Variants in SNTG1 observed in about 807,000 individuals in gnomAD.
SNTG1 encodes the protein syntrophin gamma 1.
A neutral mutation model predicts 74.7 loss-of-function variants in SNTG1; 39 were observed. The ratio of observed to expected loss-of-function variants is 0.52; its 90% CI spans 0.40 to 0.68. SNTG1 has a LOEUF of 0.68. Ranked by LOEUF, SNTG1 falls within the 30% of genes least tolerant of loss-of-function variation. The probability of loss-of-function intolerance (pLI) is 0.00; values close to 1 mark genes in which losing one functional copy is unlikely to be tolerated. For synonymous variants in SNTG1, 254 were observed against 217.1 expected, an observed-to-expected ratio of 1.17 and a Z score of -1.49; for missense variants, 685 against 609.5, an observed-to-expected ratio of 1.12 and a Z score of -1.30.
intron 17 of SNTG1, among the ~76,000 whole-genome samples, chr8:50,748,667 C>T (rs567604161): frequency 1.3e-5 from 2 of 152,100 alleles, no homozygotes; most frequent in East Asian, 3.9e-4. Context: ...CTTTGTATCT[C>T]TGTGTCACAT....
intron 13 of SNTG1, among the ~76,000 whole-genome samples, chr8:50,642,008 T>C (rs1394090922): frequency 6.6e-6 from 1 of 152,220 alleles, no homozygotes; most frequent in Non-Finnish European, 1.5e-5. Flanking sequence ...CAAATTTATT[T>C]CTTCGTATTT....
intron 1 of SNTG1, among the ~76,000 whole-genome samples, chr8:49,967,300 T>C (rs1222175201): frequency 6.6e-6 from 1 of 152,220 alleles, no homozygotes; most frequent in Non-Finnish European, 1.5e-5. Context: ...GAAAGCCTGT[T>C]CTCAGGGAGC....
chr8:50,488,381 A>C (rs964336660), intron 8 of SNTG1, among the ~76,000 whole-genome samples: 4 of 152,304 alleles, frequency 2.6e-5, no homozygotes, highest in Admixed American at 6.5e-5. Context: ...CAATGTTTCC[A>C]TAGAGTCTAG....
intron 2 of SNTG1, among the ~76,000 whole-genome samples, chr8:50,182,622 G>A (rs1028387995): frequency 6.6e-6 from 1 of 151,982 alleles, no homozygotes; most frequent in East Asian, 1.9e-4. Flanking sequence ...GATTTGGCAC[G>A]TGCGTGTCTG....
chr8:50,019,034 G>A (rs73571312), intron 1 of SNTG1, among the ~76,000 whole-genome samples: 6,407 of 152,120 alleles, frequency 0.042, 467 homozygotes, highest in African/African-American at 0.15. Flanking sequence ...AAGTAGACTA[G>A]AAGTTGACAA....
chr8:50,693,482 C>A (rs1314806445), intron 15 of SNTG1, among the ~76,000 whole-genome samples: 1 of 151,992 alleles, frequency 6.6e-6, no homozygotes, highest in Non-Finnish European at 1.5e-5. Flanking sequence ...TATATAAAGC[C>A]AATATTAAAG....
chr8:50,753,486 G>C (rs12678417), intron 18 of SNTG1, among the ~76,000 whole-genome samples: 14,605 of 151,956 alleles, frequency 0.096, 2,068 homozygotes, highest in African/African-American at 0.31. Context: ...ACAGTATTCA[G>C]TTGCTTACCC....
chr8:50,671,568 A>G (rs1228533550), intron 15 of SNTG1, among the ~76,000 whole-genome samples: 2 of 152,128 alleles, frequency 1.3e-5, no homozygotes, highest in Non-Finnish European at 2.9e-5. Flanking sequence ...GGATGTGGAG[A>G]AATAGGAACA....
chr8:49,953,122 A>C (rs1809869127), intron 1 of SNTG1, among the ~76,000 whole-genome samples: 1 of 152,266 alleles, frequency 6.6e-6, no homozygotes, highest in East Asian at 1.9e-4. Flanking sequence ...GAGATCATCA[A>C]GAGTGACAAG....
At position 50,038,794 on chromosome 8, in the gene SNTG1, C is replaced by G. The variant is rs150516724; in HGVS notation, c.-103+126563C>G. ...CAGTGCTGATCGCACATTTGATGCT[C>G]TCTTATAATAGTGAATGACATACCA... is the stretch of plus-strand genomic sequence containing the variant. On this transcript the variant is annotated intron_variant, in intron 1 of 18. Coordinates refer to ENST00000642720, the MANE Select transcript of SNTG1 (RefSeq NM_018967.5). Among the ~76,000 whole-genome samples the G allele has an allele frequency of 1.9e-4, 29 of 152,266 alleles. No homozygotes were observed. The East Asian group carries it at 5.6e-3, about 30-fold the overall frequency.
chr8:50,764,465 T>C (rs2095608486), intron 18 of SNTG1, among the ~76,000 whole-genome samples: 1 of 151,930 alleles, frequency 6.6e-6, no homozygotes, highest in Non-Finnish European at 1.5e-5. Flanking sequence ...GGACTCATTT[T>C]GAGACATTTC....
intron 2 of SNTG1, among the ~76,000 whole-genome samples, chr8:50,281,505 A>T (rs2088455393): frequency 6.6e-6 from 1 of 152,188 alleles, no homozygotes; most frequent in Non-Finnish European, 1.5e-5. Flanking sequence ...TTCAGCTTGC[A>T]GGGCTTCAGG....
chr8:50,122,412 C>G (rs1221458767), intron 1 of SNTG1, among the ~76,000 whole-genome samples: 1 of 140,618 alleles, frequency 7.1e-6, no homozygotes, highest in Non-Finnish European at 1.6e-5. Context: ...ATTTGCGAGG[C>G]CTGGAATGCA....
intron 8 of SNTG1, among the ~76,000 whole-genome samples, chr8:50,468,206 TCA>T (rs879320938): frequency 1.3e-5 from 2 of 152,048 alleles, no homozygotes; most frequent in Non-Finnish European, 2.9e-5. Context: ...GCTTGAACTA[TCA>T]GTTTTTGAAA....
intron 17 of SNTG1, among the ~76,000 whole-genome samples, chr8:50,741,762 T>C (rs1033939699): frequency 1.3e-5 from 2 of 151,990 alleles, no homozygotes; most frequent in Non-Finnish European, 2.9e-5. Flanking sequence ...AAGAAGTCAA[T>C]TGGAAAGGAT....
chr8:50,276,278 C>T (rs1247766018), intron 2 of SNTG1, among the ~76,000 whole-genome samples: 3 of 151,584 alleles, frequency 2.0e-5, no homozygotes, highest in African/African-American at 7.3e-5. Flanking sequence ...TGTGATACAG[C>T]TAGAAAATGT....
chr8:50,695,625 C>T (rs1250381136), intron 15 of SNTG1, among the ~76,000 whole-genome samples: 1 of 151,686 alleles, frequency 6.6e-6, no homozygotes, highest in African/African-American at 2.4e-5. Context: ...CCATATTCCA[C>T]CCTCTTACTC....
At chr8:50,574,543 A>G (rs965969369) in intron 12 of SNTG1, among the ~76,000 whole-genome samples, 1 of 152,114 alleles carries the variant, frequency 6.6e-6, no homozygotes, top group Non-Finnish European at 1.5e-5. Context: ...ATACTTGAAA[A>G]TGTGTATTTT....
chr8:50,545,502 A>G (rs2094380819), intron 11 of SNTG1, among the ~76,000 whole-genome samples: 1 of 148,864 alleles, frequency 6.7e-6, no homozygotes, highest in African/African-American at 2.4e-5. Flanking sequence ...ATATATATAT[A>G]TATATTTGAA....
Sources: allele counts gnomAD v4.1 joint callset (sites outside exome capture counted in the v4.1 genomes callset), GRCh38; gene constraint gnomAD v4.1.1; transcripts MANE v1.5; gene names NCBI Gene and HGNC (gene_info 2026-07-23, HGNC 2026-07-21).